DNAH17: variants seen among roughly 807,000 people sequenced by gnomAD.
The protein encoded by DNAH17 is dynein axonemal heavy chain 17.
Under a neutral mutation model 485.6 loss-of-function variants are expected in DNAH17, and 376 were observed. That is an observed-to-expected ratio of 0.77 (90% CI 0.71 to 0.84). The LOEUF is 0.84. DNAH17 is among the 40% of genes least tolerant of loss of function. DNAH17 has a pLI of 0.00. For missense variants in DNAH17, 6,370 were observed against 5,839.3 expected (o/e 1.09, Z -2.96); for synonymous variants, 3,031 against 2,405.9 (o/e 1.26, Z -7.60).
At chr17:78,443,706 C>T (rs566778906) in intron 71 of DNAH17, among the ~76,000 whole-genome samples, 10 of 152,304 alleles carry the variant, frequency 6.6e-5, no homozygotes, top group Admixed American at 2.0e-4. Flanking sequence ...CCCGCCACCG[C>T]GCCCTGCTAA....
In DNAH17 at chr17:78,532,595, ACTC is replaced by A. The variant is rs2091270113; in HGVS notation, c.2998_3000del (p.Glu1000del). ...CCATATATCAGGAAATTCTTCATAAACTCCTGCAGGTTGTCCGTCCAGAGGTAG... is the reference window on the plus strand; with the variant it reads ...CCATATATCAGGAAATTCTTCATAAACTGCAGGTTGTCCGTCCAGAGGTAG... On this transcript the variant is annotated inframe_deletion, in exon 20 of 81. Coordinates refer to ENST00000389840, the MANE Select transcript of DNAH17 (RefSeq NM_173628.4). 2 of 1,607,564 alleles carry A rather than the reference ACTC, an allele frequency of 1.2e-6. No homozygotes were observed. Among genetic ancestry groups the A allele is most frequent in the South Asian group, 1.1e-5 (1 of 89,814 alleles).
Position 78,561,794 on chromosome 17 carries a change from C to T in DNAH17, c.1756G>A (p.Ala586Thr), listed in dbSNP as rs2092161422. The change falls in exon 12 of 81, where the codon GCC (alanine) becomes ACC (threonine). Residue 586 changes from alanine (A) to threonine (T), a missense_variant. Physicochemically the swap from Ala to Thr is moderately conservative, Grantham distance 58. Coordinates refer to ENST00000389840, the MANE Select transcript of DNAH17 (RefSeq NM_173628.4). ...TCCAGGCTCCATTTGAGCTGCCCGG[C>T]CACGGGAGGCATGTTTTTGTGGATC... ...PLIHKNMPPVAGQLKWSLELQ... is the reference protein window; with the variant it reads ...PLIHKNMPPVTGQLKWSLELQ... 6.2e-7 allele frequency: 1 copy of T among 1,613,690 alleles called. No individual in the cohort carries two copies. Among genetic ancestry groups the T allele is most frequent in the Non-Finnish European group, 8.5e-7 (1 of 1,179,762 alleles).
chr17:78,501,620 C>T, intron 34 of DNAH17, 122 bp downstream of exon 34: 1 of 1,402,328 alleles, frequency 7.1e-7, no homozygotes. Flanking sequence ...GCAGCTGCAG[C>T]CAGCAACAGA....
chr17:78,443,967 G>T (rs1024471925), intron 71 of DNAH17, among the ~76,000 whole-genome samples: 1 of 152,180 alleles, frequency 6.6e-6, no homozygotes, highest in African/African-American at 2.4e-5. Context: ...CCCCAGGCTC[G>T]TTTCTGTGCT....
At chr17:78,554,080 TC>T (rs1487319819) in intron 14 of DNAH17, among the ~76,000 whole-genome samples, 2 of 152,050 alleles carry the variant, frequency 1.3e-5, no homozygotes, top group Non-Finnish European at 2.9e-5. Flanking sequence ...CAGGTGTGAG[TC>T]ATGGTGCCCA....
chr17:78,531,444 T>C (rs2091235897), intron 20 of DNAH17, among the ~76,000 whole-genome samples: 1 of 149,314 alleles, frequency 6.7e-6, no homozygotes, highest in Admixed American at 6.7e-5. Flanking sequence ...GTTCACACCA[T>C]TCTCTTGCCT....
chr17:78,454,528 T>C lies in DNAH17; in HGVS notation c.10348A>G (p.Lys3450Glu). The part of the protein sequence containing the change: ...LIVDAQLQGI[K>E]WIKNKYRSEL... ...CTCCTGTATTTGTTTTTGATCCACT[T>C]GATTCCTTGGAGCTGGGCGTCCACG... is the stretch of plus-strand genomic sequence containing the variant. Residue 3450 changes from lysine (K) to glutamate (E), a missense_variant, in exon 64 of 81, where the codon AAG becomes GAG. Lys to Glu is a moderately conservative substitution (Grantham distance 56). Coordinates refer to ENST00000389840, the MANE Select transcript of DNAH17 (RefSeq NM_173628.4). The C allele has an allele frequency of 6.2e-7, 1 of 1,613,574 alleles. No individual in the cohort carries two copies. Among genetic ancestry groups the C allele is most frequent in the Non-Finnish European group, 8.5e-7 (1 of 1,179,860 alleles).
intron 75 of DNAH17, among the ~76,000 whole-genome samples, chr17:78,432,483 G>T (rs2086710708): frequency 6.6e-6 from 1 of 152,212 alleles, no homozygotes; most frequent in Admixed American, 6.5e-5. Flanking sequence ...GCCCAGTTCT[G>T]CTCCCTGCTA....
At chr17:78,544,277 G>A (rs1177730040) in intron 16 of DNAH17, among the ~76,000 whole-genome samples, 1 of 152,188 alleles carries the variant, frequency 6.6e-6, no homozygotes, top group Non-Finnish European at 1.5e-5. Flanking sequence ...GGCCAGAATG[G>A]GGTCACTCTC....
intron 9 of DNAH17, among the ~76,000 whole-genome samples, chr17:78,567,913 A>C (rs1011967248): frequency 2.0e-5 from 3 of 152,196 alleles, no homozygotes; most frequent in Non-Finnish European, 4.4e-5. Flanking sequence ...TACCAGGCAC[A>C]GTGCAGGCAG....
chr17:78,495,943 G>C lies in DNAH17; in HGVS notation c.5835C>G (p.Ile1945Met). Residue 1945 changes from isoleucine to methionine, a missense_variant, in exon 38 of 81, where the codon ATC (isoleucine) becomes ATG (methionine). Coordinates refer to ENST00000389840, the MANE Select transcript of DNAH17 (RefSeq NM_173628.4). ...EIIGLIPTVG[I>M]FITMNPGYAG... is the part of the protein sequence containing the mutation. ...CGTACCCAGGGTTCATGGTGATGAA[G>C]ATACCGACGGTGGGAATGAGGCCTA... The C allele has an allele frequency of 6.2e-7, 1 of 1,614,002 alleles. No individual in the cohort carries two copies. Among genetic ancestry groups the C allele is most frequent in the Non-Finnish European group, 8.5e-7 (1 of 1,179,886 alleles).
chr17:78,428,605 T>G lies in DNAH17; in HGVS notation c.12508A>C (p.Lys4170Gln). The G allele has an allele frequency of 6.2e-7, 1 of 1,613,934 alleles. No homozygotes were observed. Among genetic ancestry groups the G allele is most frequent in the African/African-American group, 1.3e-5 (1 of 75,010 alleles). ...EIGFLTVTSE[K>Q]LFRTVLEMQP... ...ATTTCCAGGACAGTGCGGAACAGCT[T>G]CTCTGAGGTGACCGTCAGAAAGCCA... The change falls in exon 77 of 81, where the codon AAG becomes CAG. Residue 4170 changes from lysine to glutamine, a missense_variant. Physicochemically the swap from Lys to Gln is moderately conservative, Grantham distance 53. Coordinates refer to ENST00000389840, the MANE Select transcript of DNAH17 (RefSeq NM_173628.4).
At chr17:78,457,518 A>G (rs1441157197) in intron 62 of DNAH17, among the ~76,000 whole-genome samples, 1 of 152,222 alleles carries the variant, frequency 6.6e-6, no homozygotes, top group Non-Finnish European at 1.5e-5. Flanking sequence ...TTTGGGGTTA[A>G]ATAAAATTAT....
intron 76 of DNAH17, 45 bp downstream of exon 76, chr17:78,429,076 C>T (rs770964440): frequency 6.3e-6 from 10 of 1,585,384 alleles, no homozygotes; most frequent in African/African-American, 4.0e-5. Flanking sequence ...CCGGGAGGCA[C>T]GAGCCTTCAT....
intron 48 of DNAH17, chr17:78,484,660 T>TG (rs2146640742): frequency 2.7e-6 from 1 of 375,886 alleles, no homozygotes; most frequent in East Asian, 4.7e-5. Context: ...TCCCCTACCC[T>TG]GGCCCTACCT....
At chr17:78,478,197 A>AC (rs2089161804) in intron 51 of DNAH17, among the ~76,000 whole-genome samples, 1 of 76,780 alleles carries the variant, frequency 1.3e-5, no homozygotes, top group South Asian at 4.3e-4. Flanking sequence ...TATCACCATC[A>AC]TATCACCACC....
At chr17:78,453,490 T>A (rs771216094) in intron 64 of DNAH17, 25 bp from the exon 65 acceptor site, 1 of 1,613,174 alleles carries the variant, frequency 6.2e-7, no homozygotes, top group Non-Finnish European at 8.5e-7. Context: ...CGGAAGCTGG[T>A]TCATGGCAGA....
chr17:78,435,207 G>A (rs1040088353), intron 74 of DNAH17, among the ~76,000 whole-genome samples: 4 of 152,134 alleles, frequency 2.6e-5, no homozygotes, highest in Admixed American at 6.5e-5. Context: ...AGTGACACCA[G>A]CCAATGGGAG....
chr17:78,552,651 G>T, intron 15 of DNAH17, 46 bp downstream of exon 15: 2 of 1,394,934 alleles, frequency 1.4e-6, no homozygotes, highest in Non-Finnish European at 2.0e-6. Flanking sequence ...TGGGCAGGTT[G>T]GACTCCCAAG....
Sources: allele counts gnomAD v4.1 joint callset (sites outside exome capture counted in the v4.1 genomes callset), GRCh38; gene constraint gnomAD v4.1.1; transcripts MANE v1.5; gene names NCBI Gene and HGNC (gene_info 2026-07-23, HGNC 2026-07-21).